TDRD9: variants seen among roughly 807,000 people sequenced by gnomAD.
TDRD9 encodes tudor domain containing 9.
Under a neutral mutation model 172.6 loss-of-function variants are expected in TDRD9, and 124 were observed. The observed-to-expected ratio is 0.72, with a 90% CI of 0.62 to 0.83. TDRD9 has a LOEUF of 0.83. TDRD9 is among the 40% of genes least tolerant of loss of function. The pLI is 0.00. For synonymous variants in TDRD9, 619 were observed against 617.1 expected, an observed-to-expected ratio of 1.00 and a Z score of -0.05; for missense variants, 1,479 against 1,714.1, an observed-to-expected ratio of 0.86 and a Z score of 2.42.
At chr14:103,994,941 A>G (rs2034003890) in intron 11 of TDRD9, among the ~76,000 whole-genome samples, 1 of 139,260 alleles carries the variant, frequency 7.2e-6, no homozygotes, top group Non-Finnish European at 1.5e-5. Context: ...ACAGAACAAG[A>G]CTGTCTCAAA....
intron 7 of TDRD9, among the ~76,000 whole-genome samples, chr14:103,979,886 T>G (rs2033403412): frequency 6.6e-6 from 1 of 152,084 alleles, no homozygotes; most frequent in Admixed American, 6.6e-5. Context: ...TTTTTTTTTT[T>G]TTTCTTTGAG....
intron 1 of TDRD9, chr14:103,939,725 G>C (rs1195996929): frequency 3.4e-5 from 1 of 29,112 alleles, no homozygotes; most frequent in South Asian, 1.5e-3. Context: ...TTTAGTTCTA[G>C]TCTTTTTGAA....
intron 28 of TDRD9, among the ~76,000 whole-genome samples, chr14:104,029,076 G>C (rs896229087): frequency 6.6e-6 from 1 of 152,110 alleles, no homozygotes; most frequent in Non-Finnish European, 1.5e-5. Flanking sequence ...TGCTGGTTTG[G>C]TTACCGTAGC....
At chr14:104,034,770 T>C (rs1050038787) in intron 31 of TDRD9, among the ~76,000 whole-genome samples, 190 bp from the exon 32 acceptor site, 1 of 152,212 alleles carries the variant, frequency 6.6e-6, no homozygotes, top group Non-Finnish European at 1.5e-5. Flanking sequence ...CATAGCGTAG[T>C]GTCTCTCTGT....
chr14:103,969,314 G>T (rs988125306), intron 5 of TDRD9, among the ~76,000 whole-genome samples: 3 of 152,006 alleles, frequency 2.0e-5, no homozygotes, highest in African/African-American at 7.2e-5. Context: ...GAGCCAGTGG[G>T]TTGCGGGGCA....
chr14:104,006,457 A>G lies in TDRD9; in HGVS notation c.1782A>G (p.Leu594=). The part of the protein sequence containing the change: ...ENPHDGELTF[L]GRVLAQLPVN... ...CCCATGATGGTGAATTGACCTTCTTAGGAAGAGTTTTAGCCCAACTTCCTG... is the reference window on the plus strand; with the variant it reads ...CCCATGATGGTGAATTGACCTTCTTGGGAAGAGTTTTAGCCCAACTTCCTG... Residue 594 remains leucine (L), a synonymous_variant, in exon 16 of 36, where the codon TTA becomes TTG. Coordinates refer to ENST00000409874, the MANE Select transcript of TDRD9 (RefSeq NM_153046.3). The G allele has an allele frequency of 6.2e-7, 1 of 1,613,946 alleles. No homozygotes were observed.
chr14:103,973,682 G>A (rs1238093125), intron 6 of TDRD9, among the ~76,000 whole-genome samples: 3 of 152,166 alleles, frequency 2.0e-5, no homozygotes, highest in South Asian at 2.1e-4. Flanking sequence ...TGGCCTCGTC[G>A]TTCCTTAAAA....
intron 35 of TDRD9, among the ~76,000 whole-genome samples, chr14:104,051,571 T>C (rs1035666300): frequency 1.3e-5 from 2 of 152,218 alleles, no homozygotes; most frequent in African/African-American, 4.8e-5. Context: ...TTCCCACCAA[T>C]GGTGTATAAG....
rs1294893735 is a variant in TDRD9, at chr14:103,997,783, A to T, written c.1379-841A>T. Among the ~76,000 whole-genome samples, 2 of 152,148 alleles carry T rather than the reference A, an allele frequency of 1.3e-5. No homozygotes were observed. Among genetic ancestry groups the T allele is most frequent in the Non-Finnish European group, 2.9e-5 (2 of 68,030 alleles). ...GGGTCTTGAGGGGATGGAGTGGAGG[A>T]GTGCATCAGATGCCCATGGCGGGTC... On this transcript the variant is annotated intron_variant, in intron 12 of 35. Transcript: ENST00000409874. The surrounding 1 kb of genome is among the most constrained non-coding windows in gnomAD (Gnocchi z 5.1).
At position 103,998,665 on chromosome 14, in the gene TDRD9, G is replaced by C. The variant is rs1016706340; in HGVS notation, c.1420G>C (p.Asp474His). ...CLTRTLVCDE[D>H]TNYQSLRLSW... ...GACTAGAACTTTGGTCTGTGATGAA[G>C]ATACAAATTATCAGAGTCTGCGATT... Residue 474 changes from aspartate to histidine, a missense_variant, in exon 13 of 36, where the codon GAT becomes CAT. By Grantham distance (81) the Asp-to-His change is moderately conservative (BLOSUM62 -1). Transcript: ENST00000409874. 1 of 1,611,734 alleles carries C rather than the reference G, an allele frequency of 6.2e-7. No individual in the cohort carries two copies.
rs555214454 is a variant in TDRD9 at position 103,928,817 on chromosome 14, G to A, written c.215+93G>A. 1.3e-3 allele frequency: 465 copies of A among 368,562 alleles called. 1 individual carries two copies. Among genetic ancestry groups the A allele is most frequent in the African/African-American group, 8.3e-3 (378 of 45,806 alleles). The allele number at this position is 368,562 out of a possible 1,614,324, so 22.8% of individuals were successfully genotyped here. A position where few individuals can be genotyped will look rare whatever the true frequency, so the allele number is the denominator to read the frequency against. On this transcript the variant is annotated intron_variant, in intron 1 of 35. Transcript: ENST00000409874. ...CCATCCAGATCCTTCTCGCGAGCCC[G>A]TGCCCTCTCGCGGGGCTCCAGGGAC...
Position 103,994,599 on chromosome 14 carries a change from G to A in TDRD9, c.1316G>A (p.Arg439Lys). The A allele has an allele frequency of 1.9e-6, 3 of 1,611,998 alleles. No individual in the cohort carries two copies. The highest frequency in any genetic ancestry group is 2.5e-6 in the Non-Finnish European group (3 of 1,178,760). The change falls in exon 11 of 36, where the codon AGA becomes AAA. Residue 439 changes from arginine (R) to lysine (K), a missense_variant. By Grantham distance (26) the Arg-to-Lys change is conservative (BLOSUM62 2). Around this residue, in one of 3 missense-constraint regions of TDRD9, gnomAD observed 1,413 missense variants for 1,649.1 expected, o/e 0.86. Transcript: ENST00000409874. ...TTTTTAAGTCCAGTCCCTGGGTACA[G>A]AAAGGTAGGAAAACTGGGAAGACAA... Reference protein sequence around the residue: ...NVFLSPVPGYRKIILSTNIAE... With the variant: ...NVFLSPVPGYKKIILSTNIAE...
intron 2 of TDRD9, among the ~76,000 whole-genome samples, chr14:103,957,778 G>C (rs1333864526): frequency 6.6e-6 from 1 of 152,156 alleles, no homozygotes; most frequent in Non-Finnish European, 1.5e-5. Context: ...CAGGGGCACA[G>C]GCAGCAGCCC....
At chr14:103,943,073 T>C (rs1476706449) in intron 1 of TDRD9, among the ~76,000 whole-genome samples, 3 of 152,084 alleles carry the variant, frequency 2.0e-5, no homozygotes, top group Non-Finnish European at 4.4e-5. Context: ...GAAAAACTTA[T>C]ATTTACTATT....
chr14:103,982,881 A>G (rs2033529537), intron 7 of TDRD9, among the ~76,000 whole-genome samples: 1 of 152,174 alleles, frequency 6.6e-6, no homozygotes, highest in Non-Finnish European at 1.5e-5. Flanking sequence ...AGCCTGGACA[A>G]CAAGAGCGAA....
intron 34 of TDRD9, among the ~76,000 whole-genome samples, chr14:104,044,311 A>C (rs2035700572): frequency 6.6e-6 from 1 of 152,172 alleles, no homozygotes; most frequent in South Asian, 2.1e-4. Context: ...TGCTTGACTA[A>C]TATATTAAAA....
intron 1 of TDRD9, among the ~76,000 whole-genome samples, chr14:103,946,823 C>T (rs2031584136): frequency 6.6e-6 from 1 of 152,144 alleles, no homozygotes; most frequent in Non-Finnish European, 1.5e-5. Context: ...ATAAAATACT[C>T]AGGGATTAAC....
At chr14:104,036,506 G>A (rs1179428136) in intron 32 of TDRD9, among the ~76,000 whole-genome samples, 1 of 152,236 alleles carries the variant, frequency 6.6e-6, no homozygotes, top group Non-Finnish European at 1.5e-5. Flanking sequence ...GGCTTGGCTA[G>A]TGCAGAAGCA....
chr14:104,008,512 A>C (rs762322706), intron 20 of TDRD9, 46 bp downstream of exon 20: 2 of 1,212,940 alleles, frequency 1.6e-6, no homozygotes, highest in South Asian at 2.5e-5. Context: ...AAGTTGACTT[A>C]TGAAATATTT....
Sources: gnomAD v4.1 joint callset for allele counts (sites outside exome capture counted in the v4.1 genomes callset) on GRCh38, gnomAD v4.1.1 for gene constraint, gnomAD v4.1.1 regional missense constraint, Gnocchi (gnomAD v3.1) non-coding constraint, MANE v1.5 for transcripts, NCBI Gene and HGNC (gene_info 2026-07-23, HGNC 2026-07-21) for gene names.